CCDC116: variants seen among roughly 807,000 people sequenced by gnomAD.
The protein encoded by CCDC116 is coiled-coil domain containing 116, also known as coiled-coil domain-containing protein 116.
Under a neutral mutation model 29.4 loss-of-function variants are expected in CCDC116, and 24 were observed. The observed-to-expected ratio is 0.82, with a 90% confidence interval of 0.59 to 1.15. The LOEUF is 1.15. CCDC116 is among the 50% of genes most tolerant of loss of function. The pLI, the probability that CCDC116 is intolerant of heterozygous loss-of-function variation, is 0.00. For missense variants in CCDC116, 791 were observed against 804.0 expected (o/e 0.98, Z 0.20); for synonymous variants, 298 against 331.4 (o/e 0.90, Z 1.10).
At chr22:21,635,915 A>G in intron 4 of CCDC116, 1 of 433,186 alleles carries the variant, frequency 2.3e-6, no homozygotes, top group South Asian at 3.0e-5. Context: ...TCCTAGGTCT[A>G]GCTCCCTTGA....
intron 2 of CCDC116, among the ~76,000 whole-genome samples, chr22:21,633,511 G>A (rs1463469607): frequency 6.6e-6 from 1 of 152,172 alleles, no homozygotes; most frequent in Non-Finnish European, 1.5e-5. Context: ...TGGGAGCATG[G>A]AGTTGACTAG....
At position 21,632,798 on chromosome 22, in the gene CCDC116, T is replaced by G. The variant is rs1455248695; in HGVS notation, c.-92T>G. 2.5e-6 allele frequency: 1 copy of G among 393,120 alleles called. No homozygotes were observed. Among genetic ancestry groups the G allele is most frequent in the African/African-American group, 2.1e-5 (1 of 48,308 alleles). The allele number at this position is 393,120 out of a possible 1,614,324, so 24.4% of individuals were successfully genotyped here. A position where few individuals can be genotyped will look rare whatever the true frequency, so the allele number is the denominator to read the frequency against. ...GCTCCAGTGAGGGCGCAGACTGTAC[T>G]GGCCTGTGCGGAGCAAGGCGGTGTT... On this transcript the variant is annotated 5_prime_UTR_variant, in exon 1 of 5. Coordinates refer to ENST00000292779, the MANE Select transcript of CCDC116 (RefSeq NM_152612.3).
At chr22:21,633,016 G>A in intron 1 of CCDC116, 104 bp from the exon 2 acceptor site, 1 of 717,604 alleles carries the variant, frequency 1.4e-6, no homozygotes, top group Non-Finnish European at 2.6e-6. Context: ...AGGGCTGGAT[G>A]CATGAAGGAG....
chr22:21,635,376 GCCAGAGGGCCCA>G (rs1167122518), intron 4 of CCDC116, 110 bp downstream of exon 4: 8 of 987,634 alleles, frequency 8.1e-6, no homozygotes, highest in Non-Finnish European at 1.1e-5. Context: ...CTGAGCTCCA[GCCAGAGGGCCCA>G]GCCCTGGCAG....
chr22:21,635,374 C>T (rs1248938174), intron 4 of CCDC116, 108 bp downstream of exon 4: 1 of 1,005,756 alleles, frequency 9.9e-7, no homozygotes, highest in African/African-American at 1.6e-5. Flanking sequence ...CCCTGAGCTC[C>T]AGCCAGAGGG....
chr22:21,636,319 TG>T, intron 4 of CCDC116, 112 bp from the exon 5 acceptor site: 1 of 922,122 alleles, frequency 1.1e-6, no homozygotes, highest in Non-Finnish European at 1.6e-6. Context: ...ATGTTTGTGA[TG>T]GGCAGGGCTG....
Position 21,635,023 on chromosome 22 carries a change from T to A in CCDC116, c.960T>A (p.Ala320=). 6.2e-7 allele frequency: 1 copy of A among 1,611,012 alleles called. No individual in the cohort carries two copies. Among genetic ancestry groups the A allele is most frequent in the African/African-American group, 1.3e-5 (1 of 75,022 alleles). Residue 320 remains alanine (A), a synonymous_variant, in exon 4 of 5, where the codon GCT becomes GCA. Coordinates refer to ENST00000292779, the MANE Select transcript of CCDC116 (RefSeq NM_152612.3). ...FPALQSVVSQ[A]VDKLRGAHCR... The stretch of plus-strand genomic sequence containing the variant: ...CCCTGCAAAGCGTGGTCAGCCAGGC[T>A]GTGGATAAGCTCCGTGGCGCCCACT...
chr22:21,637,274 T>C lies in CCDC116; in HGVS notation c.*204T>C, dbSNP rs1292198862. On this transcript the variant is annotated 3_prime_UTR_variant, in exon 5 of 5. Transcript: ENST00000292779. ...CTGCTGAGACTCTCAAGGGAGCCAGTGAAAGAAATAGAAATAAAGCCTGTG... is the reference window on the plus strand; with the variant it reads ...CTGCTGAGACTCTCAAGGGAGCCAGCGAAAGAAATAGAAATAAAGCCTGTG... The C allele has an allele frequency of 1.7e-6, 1 of 599,136 alleles. No homozygotes were observed. Among genetic ancestry groups the C allele is most frequent in the East Asian group, 3.3e-5 (1 of 30,596 alleles). The allele number at this position is 599,136 out of a possible 1,614,324, so 37.1% of individuals were successfully genotyped here. A position where few individuals can be genotyped will look rare whatever the true frequency, so the allele number is the denominator to read the frequency against.
Position 21,635,080 on chromosome 22 carries a change from C to T in CCDC116, c.1017C>T (p.Ser339=). The T allele has an allele frequency of 6.2e-7, 1 of 1,608,950 alleles. No individual in the cohort carries two copies. The highest frequency in any genetic ancestry group is 8.5e-7 in the Non-Finnish European group (1 of 1,179,996). ...CRDGRPLFPT[S]LEPTSDLPPL... ...ACGGCCGTCCTCTGTTCCCCACCAG[C>T]TTGGAGCCCACCTCAGATCTGCCGC... The change falls in exon 4 of 5, where the codon AGC becomes AGT. Residue 339 remains serine (S), a synonymous_variant. Transcript: ENST00000292779.
At position 21,637,008 on chromosome 22, in the gene CCDC116, G is replaced by A. The variant is rs754857590; in HGVS notation, c.1780G>A (p.Glu594Lys). The change falls in exon 5 of 5, where the codon GAA (glutamate) becomes AAA (lysine). Residue 594 changes from glutamate (E) to lysine (K), a missense_variant. Transcript: ENST00000292779. ...CCGTGATAAAGCCGAGATTGAAGAT[G>A]AAGATGAGGATGAGTTCAAGGATGA... The part of the protein sequence containing the change: ...EGRDKAEIED[E>K]DEDEFKDEDQ... 1.2e-6 allele frequency: 2 copies of A among 1,613,532 alleles called. No individual in the cohort carries two copies. Among genetic ancestry groups the A allele is most frequent in the Non-Finnish European group, 1.7e-6 (2 of 1,180,034 alleles).
intron 4 of CCDC116, 93 bp downstream of exon 4, chr22:21,635,359 T>C (rs760805334): frequency 9.0e-7 from 1 of 1,105,052 alleles, no homozygotes; most frequent in Non-Finnish European, 1.3e-6. Context: ...AAAACCCACC[T>C]GTTTCCCTGA....
In CCDC116 at chr22:21,633,111, C is replaced by T. The variant is rs1568996814; in HGVS notation, c.-62-9C>T. 7.7e-7 allele frequency: 1 copy of T among 1,296,752 alleles called. No individual in the cohort carries two copies. Among genetic ancestry groups the T allele is most frequent in the Non-Finnish European group, 1.1e-6 (1 of 915,362 alleles). The allele number at this position is 1,296,752 out of a possible 1,614,324, so 80.3% of individuals were successfully genotyped here. A position where few individuals can be genotyped will look rare whatever the true frequency, so the allele number is the denominator to read the frequency against. ...GGAGACCCTCAGGTTGTCTCCCCAC[C>T]CCACGCAGAGAGGAATGCGCAGCTG... On this transcript the variant is annotated splice_polypyrimidine_tract_variant and intron_variant, in intron 1 of 4. Transcript: ENST00000292779.
In CCDC116 at chr22:21,635,112, G is replaced by A. The variant is rs1158272533; in HGVS notation, c.1049G>A (p.Gly350Asp). The change falls in exon 4 of 5, where the codon GGC (glycine) becomes GAC (aspartate). Residue 350 changes from glycine (G) to aspartate (D), a missense_variant. Coordinates refer to ENST00000292779, the MANE Select transcript of CCDC116 (RefSeq NM_152612.3). ...LEPTSDLPPL[G>D]SEPAKPTNGG... Reference sequence around the variant, plus strand: ...CCCACCTCAGATCTGCCGCCTCTGGGCTCTGAGCCAGCTAAACCCACCAAT... The same window carrying A: ...CCCACCTCAGATCTGCCGCCTCTGGACTCTGAGCCAGCTAAACCCACCAAT... 5 of 1,606,586 alleles carry A rather than the reference G, an allele frequency of 3.1e-6. No homozygotes were observed. The highest frequency in any genetic ancestry group is 4.2e-6 in the Non-Finnish European group (5 of 1,179,982).
At chr22:21,632,925 C>G (rs779072057) in intron 1 of CCDC116, 98 bp downstream of exon 1, 1 of 644,336 alleles carries the variant, frequency 1.6e-6, no homozygotes, top group South Asian at 1.6e-5. Flanking sequence ...TGATCGGAGA[C>G]AGGATTGTCC....
rs1256516428 is a variant in CCDC116, at chr22:21,633,243, G to T, written c.62G>T (p.Cys21Phe). The T allele has an allele frequency of 1.3e-6, 2 of 1,550,596 alleles. No individual in the cohort carries two copies. Among genetic ancestry groups the T allele is most frequent in the Middle Eastern group, 1.7e-4 (1 of 5,728 alleles). Residue 21 changes from cysteine (C) to phenylalanine (F), a missense_variant, in exon 2 of 5, where the codon TGC becomes TTC. Transcript: ENST00000292779. ...GATGACGAGGCCAGCCACTCCATGTGCAGTGCACGGGTAAGTGTGCCCAGC... is the reference window on the plus strand; with the variant it reads ...GATGACGAGGCCAGCCACTCCATGTTCAGTGCACGGGTAAGTGTGCCCAGC... Reference protein sequence around the residue: ...LADDEASHSMCSARVQLPKKP... With the variant: ...LADDEASHSMFSARVQLPKKP...
chr22:21,636,253 G>A (rs1384993041), intron 4 of CCDC116, among the ~76,000 whole-genome samples, 179 bp from the exon 5 acceptor site: 1 of 152,234 alleles, frequency 6.6e-6, no homozygotes, highest in Non-Finnish European at 1.5e-5. Flanking sequence ...AGCAGGTGTG[G>A]TAAGGCTGTA....
Position 21,636,466 on chromosome 22 carries a change from A to G in CCDC116, c.1238A>G (p.Lys413Arg), listed in dbSNP as rs750342861. The G allele has an allele frequency of 2.5e-6, 4 of 1,613,682 alleles. No homozygotes were observed. In the South Asian group the frequency reaches 4.4e-5, roughly 18 times the overall value. The stretch of plus-strand genomic sequence containing the variant: ...AGCAGCAGCAGGTTCACGAAGAAGA[A>G]GCCGCTGCCCTCCATCTCGTCGAAG... ...PCSSSRFTKK[K>R]PLPSISSKSS... is the part of the protein sequence containing the mutation. The change falls in exon 5 of 5, where the codon AAG (lysine) becomes AGG (arginine). Residue 413 changes from lysine (K) to arginine (R), a missense_variant. Transcript: ENST00000292779.
In CCDC116 at chr22:21,635,546, T is replaced by A. The variant is rs1930765899; in HGVS notation, c.1203+280T>A. 7.1e-6 allele frequency: 5 copies of A among 702,948 alleles called. 1 individual carries two copies. The South Asian group carries it at 7.4e-5, about 10-fold the overall frequency. 43.5% of individuals were successfully genotyped at this position (702,948 alleles called of 1,614,324 possible). A position where few individuals can be genotyped will look rare whatever the true frequency, so the allele number is the denominator to read the frequency against. ...TCTCCCTGAGCTCTCTCCAGTTGCC[T>A]CTTCATCTCCCGCCTCACTGTGTCC... is the stretch of plus-strand genomic sequence containing the variant. On this transcript the variant is annotated intron_variant, in intron 4 of 4. Transcript: ENST00000292779.
Position 21,636,981 on chromosome 22 carries a change from G to A in CCDC116, c.1753G>A (p.Gly585Ser), listed in dbSNP as rs2148468725. The A allele has an allele frequency of 6.2e-7, 1 of 1,613,760 alleles. No homozygotes were observed. Among genetic ancestry groups the A allele is most frequent in the Non-Finnish European group, 8.5e-7 (1 of 1,180,034 alleles). The change falls in exon 5 of 5, where the codon GGC becomes AGC. Residue 585 changes from glycine (G) to serine (S), a missense_variant. Gly to Ser is a moderately conservative substitution (Grantham distance 56). Coordinates refer to ENST00000292779, the MANE Select transcript of CCDC116 (RefSeq NM_152612.3). ...CAAGTCCAAGGACATGGACAATGAG[G>A]GCCGTGATAAAGCCGAGATTGAAGA... The part of the protein sequence containing the change: ...PPKSKDMDNE[G>S]RDKAEIEDED...
Sources: gnomAD v4.1 joint callset for allele counts (sites outside exome capture counted in the v4.1 genomes callset) on GRCh38, gnomAD v4.1.1 for gene constraint, MANE v1.5 for transcripts, NCBI Gene and HGNC (gene_info 2026-07-23, HGNC 2026-07-21) for gene names.